Variants in PARD3 observed in about 807,000 individuals in gnomAD.
PARD3 encodes the protein partitioning defective 3 homolog.
In PARD3, 75 loss-of-function variants were observed where a neutral mutation model predicts 155.4. The observed-to-expected ratio is 0.48, with a 90% CI of 0.40 to 0.58. PARD3 has a LOEUF of 0.58. PARD3 is among the 20% of genes least tolerant of loss of function. PARD3 has a pLI of 0.00. For synonymous variants in PARD3, 576 were observed against 610.5 expected, an observed-to-expected ratio of 0.94 and a Z score of 0.83; for missense variants, 1,642 against 1,721.7, an observed-to-expected ratio of 0.95 and a Z score of 0.82.
chr10:34,427,948 G>A (rs2075706593), intron 5 of PARD3, among the ~76,000 whole-genome samples: 1 of 152,130 alleles, frequency 6.6e-6, no homozygotes, highest in South Asian at 2.1e-4. Context: ...AGAGGAATGG[G>A]GGAGCTGGAC....
intron 2 of PARD3, among the ~76,000 whole-genome samples, chr10:34,595,720 C>A (rs2089188798): frequency 6.6e-6 from 1 of 152,168 alleles, no homozygotes; most frequent in Admixed American, 6.5e-5. Context: ...TTTATTTTCA[C>A]TTAGTTATTT....
intron 2 of PARD3, among the ~76,000 whole-genome samples, chr10:34,605,131 T>C (rs574708607): frequency 6.6e-6 from 1 of 151,280 alleles, no homozygotes; most frequent in Non-Finnish European, 1.5e-5. Flanking sequence ...CCATGCCGGA[T>C]GTCAACTACA....
intron 3 of PARD3, among the ~76,000 whole-genome samples, chr10:34,492,447 G>A (rs1030076354): frequency 6.6e-6 from 1 of 152,132 alleles, no homozygotes; most frequent in Non-Finnish European, 1.5e-5. Context: ...AAAAACTTCT[G>A]TCCCTAACAG....
At chr10:34,264,162 C>T (rs186308498) in intron 22 of PARD3, among the ~76,000 whole-genome samples, 2 of 152,226 alleles carry the variant, frequency 1.3e-5, no homozygotes, top group African/African-American at 4.8e-5. Context: ...ATTTTTAGTA[C>T]AGTACTCAAT....
intron 20 of PARD3, among the ~76,000 whole-genome samples, chr10:34,305,644 G>A (rs1429092629): frequency 6.6e-6 from 1 of 152,148 alleles, no homozygotes; most frequent in East Asian, 1.9e-4. Context: ...TGTTTAATCT[G>A]GTAATCATAA....
intron 1 of PARD3, among the ~76,000 whole-genome samples, chr10:34,738,973 T>C (rs552399686): frequency 2.6e-5 from 4 of 152,300 alleles, no homozygotes; most frequent in African/African-American, 7.2e-5. Flanking sequence ...ATGATTGATA[T>C]ATCTGAACAA....
chr10:34,706,946 A>G (rs2094372537), intron 1 of PARD3, among the ~76,000 whole-genome samples: 1 of 152,082 alleles, frequency 6.6e-6, no homozygotes, highest in Non-Finnish European at 1.5e-5. Context: ...TGTCTCCACA[A>G]AAAATTTTAA....
chr10:34,486,853 A>C (rs2079509236), intron 3 of PARD3, among the ~76,000 whole-genome samples: 1 of 151,970 alleles, frequency 6.6e-6, no homozygotes, highest in African/African-American at 2.4e-5. Flanking sequence ...TAAAATAAAT[A>C]TATTATATAT....
intron 6 of PARD3, among the ~76,000 whole-genome samples, chr10:34,400,048 C>G (rs1225440435): frequency 6.6e-6 from 1 of 152,182 alleles, no homozygotes; most frequent in Non-Finnish European, 1.5e-5. Flanking sequence ...TTTCCTAAAC[C>G]GCTATAAGAG....
chr10:34,311,552 G>T (rs1957697393), intron 20 of PARD3, among the ~76,000 whole-genome samples: 1 of 152,168 alleles, frequency 6.6e-6, no homozygotes, highest in Non-Finnish European at 1.5e-5. Flanking sequence ...ACTAGCATTG[G>T]ATCTGTGATT....
chr10:34,728,787 G>A (rs1303943212), intron 1 of PARD3, among the ~76,000 whole-genome samples: 1 of 152,080 alleles, frequency 6.6e-6, no homozygotes, highest in Non-Finnish European at 1.5e-5. Context: ...TTTTTAAATG[G>A]TTTCTCATAT....
intron 2 of PARD3, among the ~76,000 whole-genome samples, chr10:34,621,116 G>A (rs1185963803): frequency 5.9e-5 from 9 of 152,180 alleles, no homozygotes; most frequent in South Asian, 2.1e-4. Context: ...TAAGGTTTGC[G>A]CAGAAAAAGA....
At chr10:34,216,408 A>AAGCG (rs1471151960) in intron 22 of PARD3, among the ~76,000 whole-genome samples, 1 of 152,228 alleles carries the variant, frequency 6.6e-6, no homozygotes, top group Non-Finnish European at 1.5e-5. Flanking sequence ...TAAACACTGC[A>AAGCG]AGCGGCTTAA....
At chr10:34,382,989 A>T (rs1842006554) in intron 8 of PARD3, 67 bp from the exon 9 acceptor site, 13 of 1,531,856 alleles carry the variant, frequency 8.5e-6, no homozygotes, top group Middle Eastern at 1.7e-4. Flanking sequence ...TTATGAGCTT[A>T]ATTAAGTTTA....
At chr10:34,581,129 T>C (rs1388648525) in intron 2 of PARD3, among the ~76,000 whole-genome samples, 2 of 152,160 alleles carry the variant, frequency 1.3e-5, no homozygotes, top group Non-Finnish European at 2.9e-5. Flanking sequence ...CTCATAATTA[T>C]TGCACTGTTT....
intron 22 of PARD3, among the ~76,000 whole-genome samples, chr10:34,220,455 C>T (rs1313751413): frequency 6.6e-6 from 1 of 152,172 alleles, no homozygotes; most frequent in African/African-American, 2.4e-5. Flanking sequence ...GTGCCTCACA[C>T]CCCAGAGTGC....
At chr10:34,229,231 T>C (rs1480505734) in intron 22 of PARD3, among the ~76,000 whole-genome samples, 1 of 152,012 alleles carries the variant, frequency 6.6e-6, no homozygotes, top group African/African-American at 2.4e-5. Context: ...CTCCTTATTT[T>C]ATTTAGAGAC....
intron 2 of PARD3, among the ~76,000 whole-genome samples, chr10:34,609,569 G>T (rs1486353821): frequency 6.6e-6 from 1 of 152,142 alleles, no homozygotes; most frequent in African/African-American, 2.4e-5. Context: ...TAGAGACAAG[G>T]TCTCCCTTTG....
At chr10:34,249,984 C>T (rs919864836) in intron 22 of PARD3, among the ~76,000 whole-genome samples, 9 of 152,164 alleles carry the variant, frequency 5.9e-5, no homozygotes, top group Non-Finnish European at 8.8e-5. Context: ...ATGCCACACA[C>T]GAGATGCTTT....
Sources: gnomAD v4.1 joint callset for allele counts (sites outside exome capture counted in the v4.1 genomes callset) on GRCh38, gnomAD v4.1.1 for gene constraint, MANE v1.5 for transcripts, NCBI Gene and HGNC (gene_info 2026-07-23, HGNC 2026-07-21) for gene names.